STS: variants seen among roughly 807,000 people sequenced by gnomAD.
STS encodes steryl-sulfatase.
Under a neutral mutation model 26.8 loss-of-function variants are expected in STS, and 7 were observed. The observed-to-expected ratio is 0.26, with a 90% CI of 0.15 to 0.49. STS has a LOEUF of 0.49. STS is among the 20% of genes least tolerant of loss of function. STS has a pLI of 0.98. For missense variants in STS, 434 were observed against 465.6 expected, an observed-to-expected ratio of 0.93 and a Z score of 0.63; for synonymous variants, 199 against 189.4, an observed-to-expected ratio of 1.05 and a Z score of -0.42.
At chrX:7,179,784 G>A (rs1933647204) in intron 1 of STS, among the ~76,000 whole-genome samples, 2 of 112,054 alleles carry the variant, frequency 1.8e-5, no homozygotes, top group Non-Finnish European at 3.8e-5. Flanking sequence ...GAAGAATGGG[G>A]AGATGTTGGT....
intron 1 of STS, among the ~76,000 whole-genome samples, chrX:7,153,253 T>G (rs1660375510): frequency 9.1e-6 from 1 of 110,368 alleles, no homozygotes; most frequent in Admixed American, 9.6e-5. Context: ...TCTTTCCTCC[T>G]TCTCTCTTTC....
intron 1 of STS, among the ~76,000 whole-genome samples, chrX:7,148,974 C>CA (rs1190869676): frequency 2.7e-5 from 3 of 109,428 alleles, no homozygotes; most frequent in Non-Finnish European, 5.7e-5. Flanking sequence ...TTGCCATCGT[C>CA]AAAAAAATAC....
At chrX:7,268,429 G>T (rs1354077083) in intron 6 of STS, among the ~76,000 whole-genome samples, 1 of 111,534 alleles carries the variant, frequency 9.0e-6, no homozygotes, top group Non-Finnish European at 1.9e-5. Flanking sequence ...GTGATGAATA[G>T]CTGTGATTTG....
In STS at chrX:7,173,749, A is replaced by G. The variant is rs1330953911; in HGVS notation, c.-133-17131A>G. Among the ~76,000 whole-genome samples the G allele has an allele frequency of 1.8e-5, 2 of 112,150 alleles. 1 individual carries two copies. The highest frequency in any genetic ancestry group is 6.5e-5 in the African/African-American group (2 of 30,882). ...CCACATTAATGTCTTCTTTTGACAA[A>G]TGTGCATTCATGTCCCTTGCTTACT... On this transcript the variant is annotated intron_variant, in intron 1 of 10. Coordinates refer to ENST00000674429, the MANE Select transcript of STS (RefSeq NM_001320752.2).
chrX:7,210,119 T>C (rs1393559496), intron 2 of STS, among the ~76,000 whole-genome samples: 1 of 111,855 alleles, frequency 8.9e-6, no homozygotes, highest in East Asian at 2.8e-4. Flanking sequence ...GAGTGATTTA[T>C]ATTCCTTTGG....
intron 6 of STS, among the ~76,000 whole-genome samples, chrX:7,272,383 C>T (rs1255327648): frequency 9.1e-6 from 1 of 110,352 alleles, no homozygotes; most frequent in Non-Finnish European, 1.9e-5. Context: ...GTCAAAGTAA[C>T]AAAAGACTGA....
chrX:7,178,236 C>A (rs1368017247), intron 1 of STS, among the ~76,000 whole-genome samples: 1 of 112,466 alleles, frequency 8.9e-6, no homozygotes, highest in African/African-American at 3.2e-5. Context: ...CATAATCAGA[C>A]ATGTGCAAAA....
chrX:7,211,344 G>A (rs1022816498), intron 2 of STS, among the ~76,000 whole-genome samples: 5 of 111,203 alleles, frequency 4.5e-5, no homozygotes, highest in African/African-American at 1.6e-4. Flanking sequence ...TGAGCCTCCC[G>A]GTGCTATTCC....
intron 7 of STS, among the ~76,000 whole-genome samples, chrX:7,298,094 C>T (rs1601723085): frequency 9.1e-6 from 1 of 110,216 alleles, no homozygotes; most frequent in Non-Finnish European, 1.9e-5. Flanking sequence ...ATTTTGCATT[C>T]TTCTCTTGAA....
intron 1 of STS, among the ~76,000 whole-genome samples, chrX:7,149,166 G>A (rs1052567293): frequency 9.0e-6 from 1 of 110,558 alleles, no homozygotes; most frequent in African/African-American, 3.3e-5. Context: ...AGTGGGAGTT[G>A]GGGGAATAGT....
chrX:7,175,003 T>C (rs895537415), intron 1 of STS, among the ~76,000 whole-genome samples: 7 of 110,910 alleles, frequency 6.3e-5, no homozygotes, highest in African/African-American at 2.3e-4. Context: ...AGGTCAGAAT[T>C]GATCTTTTCA....
Position 7,354,411 on chromosome X carries a change from T to C in STS, c.*4150T>C, listed in dbSNP as rs941906151. On this transcript the variant is annotated 3_prime_UTR_variant, in exon 11 of 11. Transcript: ENST00000674429. ...TAAATAAAGTCTTACTGTGCTTTAA[T>C]AGGTAGCATTGAAAAATTTTTTTCT... is the stretch of plus-strand genomic sequence containing the variant. The C allele has an allele frequency of 4.0e-4, 45 of 111,701 alleles. No homozygotes were observed. The highest frequency in any genetic ancestry group is 1.4e-3 in the African/African-American group (42 of 30,718). The allele number at this position is 111,701 out of a possible 1,213,427, so 9.2% of individuals were successfully genotyped here.
Position 7,353,154 on chromosome X carries a change from A to G in STS, c.*2893A>G, listed in dbSNP as rs1418728805. The stretch of plus-strand genomic sequence containing the variant: ...TACATTTCCAACTTGATGTCAAGCA[A>G]TGGGGAATACAAGTTCCAGTTCTGC... On this transcript the variant is annotated 3_prime_UTR_variant, in exon 11 of 11. Transcript: ENST00000674429. 1 of 111,628 alleles carries G rather than the reference A, an allele frequency of 9.0e-6. No individual in the cohort carries two copies. Among genetic ancestry groups the G allele is most frequent in the Admixed American group, 9.6e-5 (1 of 10,397 alleles). 9.2% of individuals were successfully genotyped at this position (111,628 alleles called of 1,213,427 possible).
intron 8 of STS, among the ~76,000 whole-genome samples, chrX:7,308,533 A>G (rs901072835): frequency 5.4e-5 from 6 of 111,555 alleles, no homozygotes; most frequent in South Asian, 3.8e-4. Flanking sequence ...GGGAGCCTCA[A>G]TGGTCTTGAA....
chrX:7,350,263 A>T lies in STS; in HGVS notation c.*2A>T. ...CAGGATAAGAGACTGAGCCGCTAGCAGCGCCTGGGGACCAGACAGACGCAT... is the reference window on the plus strand; with the variant it reads ...CAGGATAAGAGACTGAGCCGCTAGCTGCGCCTGGGGACCAGACAGACGCAT... On this transcript the variant is annotated 3_prime_UTR_variant, in exon 11 of 11. Transcript: ENST00000674429. The T allele has an allele frequency of 8.3e-7, 1 of 1,206,164 alleles. No individual in the cohort carries two copies.
intron 7 of STS, among the ~76,000 whole-genome samples, chrX:7,287,240 G>GA (rs201858692): frequency 0.016 from 1,786 of 110,206 alleles, 35 homozygotes; most frequent in African/African-American, 0.053. Flanking sequence ...CTTTGCAACA[G>GA]AAAAAAAAAT....
At chrX:7,282,214 G>A (rs936284464) in intron 7 of STS, among the ~76,000 whole-genome samples, 13 of 110,772 alleles carry the variant, frequency 1.2e-4, no homozygotes, top group African/African-American at 3.9e-4. Flanking sequence ...TTGTTTGTTC[G>A]TTTTGAGACA....
At chrX:7,169,321 C>G (rs1242108069) in intron 1 of STS, among the ~76,000 whole-genome samples, 2 of 112,413 alleles carry the variant, frequency 1.8e-5, no homozygotes, top group East Asian at 5.6e-4. Flanking sequence ...TCTGCCCTTT[C>G]TCTTCTCTCT....
chrX:7,164,853 A>G (rs1933317998), intron 1 of STS, among the ~76,000 whole-genome samples: 1 of 107,607 alleles, frequency 9.3e-6, no homozygotes, highest in Non-Finnish European at 1.9e-5. Flanking sequence ...ACAAAAAAAA[A>G]AAACACACAC....
Sources: gnomAD v4.1 joint callset for allele counts (sites outside exome capture counted in the v4.1 genomes callset) on GRCh38, gnomAD v4.1.1 for gene constraint, MANE v1.5 for transcripts, NCBI Gene and HGNC (gene_info 2026-07-23, HGNC 2026-07-21) for gene names.